ZSWIM6: variants seen among roughly 807,000 people sequenced by gnomAD.
The protein encoded by ZSWIM6 is zinc finger SWIM domain-containing protein 6.
A neutral mutation model predicts 113.2 loss-of-function variants in ZSWIM6; 9 were observed. The observed-to-expected ratio is 0.08, with a 90% confidence interval of 0.05 to 0.14. ZSWIM6 has a LOEUF of 0.14. Ranked by LOEUF, ZSWIM6 falls within the 10% of genes least tolerant of loss-of-function variation. The pLI, the probability that ZSWIM6 is intolerant of heterozygous loss-of-function variation, is 1.00. For synonymous variants in ZSWIM6, 611 were observed against 606.5 expected (o/e 1.01, Z -0.11); for missense variants, 1,162 against 1,552.2 (o/e 0.75, Z 4.22).
chr5:61,546,129 TCAA>T lies in ZSWIM6; in HGVS notation c.*1816_*1818del, dbSNP rs1749882337. 1 of 152,254 alleles carries T rather than the reference TCAA, an allele frequency of 6.6e-6. No individual in the cohort carries two copies. The highest frequency in any genetic ancestry group is 2.4e-5 in the African/African-American group (1 of 41,468). The allele number at this position is 152,254 out of a possible 1,614,324, so 9.4% of individuals were successfully genotyped here. On this transcript the variant is annotated 3_prime_UTR_variant, in exon 14 of 14. Transcript: ENST00000252744. ...CACTGTTTTATAAACTTGTTAATGA[TCAA>T]CAATTTTTGTTTTGATTAAAATTAG... is the stretch of plus-strand genomic sequence containing the variant.
intron 4 of ZSWIM6, among the ~76,000 whole-genome samples, chr5:61,506,566 T>G (rs1163426510): frequency 6.6e-6 from 1 of 151,688 alleles, no homozygotes; most frequent in Non-Finnish European, 1.5e-5. Context: ...AGAGTGAGAC[T>G]CTGTCTCCAA....
intron 1 of ZSWIM6, among the ~76,000 whole-genome samples, chr5:61,388,770 A>G (rs1431299520): frequency 6.6e-6 from 1 of 152,228 alleles, no homozygotes; most frequent in Non-Finnish European, 1.5e-5. Context: ...TTCTTGGATC[A>G]GAATTGTGGC....
intron 1 of ZSWIM6, among the ~76,000 whole-genome samples, chr5:61,344,226 G>T (rs1424614065): frequency 1.3e-5 from 2 of 152,070 alleles, no homozygotes; most frequent in African/African-American, 4.8e-5. Context: ...CATTTTTACA[G>T]TTCTTTTTCC....
At chr5:61,467,831 G>A (rs532540127) in intron 1 of ZSWIM6, among the ~76,000 whole-genome samples, 1 of 150,410 alleles carries the variant, frequency 6.6e-6, no homozygotes, top group South Asian at 2.1e-4. Flanking sequence ...TCAAATAGCA[G>A]TGATTCTTCT....
intron 1 of ZSWIM6, among the ~76,000 whole-genome samples, chr5:61,382,926 C>T (rs1183767483): frequency 6.6e-6 from 1 of 152,156 alleles, no homozygotes; most frequent in African/African-American, 2.4e-5. Context: ...AGAATGTCCG[C>T]AAAGTCAGAG....
intron 1 of ZSWIM6, among the ~76,000 whole-genome samples, chr5:61,420,291 T>C (rs1746329315): frequency 6.6e-6 from 1 of 152,260 alleles, no homozygotes; most frequent in Non-Finnish European, 1.5e-5. Context: ...TGATGGAGCA[T>C]GTGAAAGACC....
intron 1 of ZSWIM6, among the ~76,000 whole-genome samples, chr5:61,446,568 G>C (rs1003380225): frequency 1.4e-4 from 22 of 152,084 alleles, no homozygotes; most frequent in African/African-American, 5.3e-4. Flanking sequence ...ATAACCTTCT[G>C]TGCCAAACCC....
At chr5:61,409,137 TA>T (rs1746106490) in intron 1 of ZSWIM6, among the ~76,000 whole-genome samples, 1 of 149,730 alleles carries the variant, frequency 6.7e-6, no homozygotes, top group Admixed American at 6.7e-5. Context: ...TCACTTTAGG[TA>T]TTAAGTATAA....
chr5:61,505,694 CCCTT>C lies in ZSWIM6; in HGVS notation c.1333+11292_1333+11295del, dbSNP rs1475984760. ...TCCTTCTTTCCTTGCCTCCCTCCCT[CCCTT>C]CCTTCCTCCCTTCCTTCCTTCCTTC... On this transcript the variant is annotated intron_variant, in intron 4 of 13. Transcript: ENST00000252744. 2.5e-4 allele frequency among the ~76,000 whole-genome samples: 26 copies of C among 101,968 alleles called. 1 individual carries two copies. Among genetic ancestry groups the C allele is most frequent in the African/African-American group, 1.0e-3 (26 of 25,352 alleles). 66.9% of individuals were successfully genotyped at this position (101,968 alleles called of 152,430 possible).
chr5:61,436,834 A>C (rs1320234992), intron 1 of ZSWIM6, among the ~76,000 whole-genome samples: 2 of 152,120 alleles, frequency 1.3e-5, no homozygotes, highest in Non-Finnish European at 2.9e-5. Flanking sequence ...AAACAATGAA[A>C]CTGGTCTGTC....
intron 1 of ZSWIM6, among the ~76,000 whole-genome samples, chr5:61,415,592 C>CAA (rs34647896): frequency 4.9e-4 from 45 of 92,288 alleles, no homozygotes; most frequent in East Asian, 2.3e-3. Flanking sequence ...ACTCTGTCTC[C>CAA]AAAAAAAAAA....
At chr5:61,496,570 G>T (rs377650393) in intron 4 of ZSWIM6, among the ~76,000 whole-genome samples, 1 of 152,138 alleles carries the variant, frequency 6.6e-6, no homozygotes, top group East Asian at 1.9e-4. Context: ...TTGAGAAGAG[G>T]CTGAGTTTTG....
intron 1 of ZSWIM6, among the ~76,000 whole-genome samples, chr5:61,402,943 G>T (rs552414009): frequency 4.6e-5 from 7 of 152,240 alleles, no homozygotes; most frequent in African/African-American, 1.7e-4. Context: ...TTGCACACAT[G>T]AACAAATCAA....
chr5:61,527,534 G>C (rs562609763), intron 7 of ZSWIM6, among the ~76,000 whole-genome samples: 1 of 152,294 alleles, frequency 6.6e-6, no homozygotes, highest in East Asian at 1.9e-4. Context: ...GAATGTGAGA[G>C]CCCCGATTGT....
chr5:61,428,011 A>T (rs1245674999), intron 1 of ZSWIM6, among the ~76,000 whole-genome samples: 1 of 151,728 alleles, frequency 6.6e-6, no homozygotes, highest in Non-Finnish European at 1.5e-5. Flanking sequence ...GCTACTGGAG[A>T]TGGCTTTCTT....
Position 61,398,582 on chromosome 5 carries a change from C to T in ZSWIM6, c.676+65634C>T, listed in dbSNP as rs202143491. Among the ~76,000 whole-genome samples, 47 of 152,102 alleles carry T rather than the reference C, an allele frequency of 3.1e-4. No individual in the cohort carries two copies. In the East Asian group the frequency reaches 6.8e-3, roughly 22 times the overall value. ...GTTCCAGCACTTAGTAACTCTTGAC[C>T]CTGGGCAAGTAACTTAATCTCTTGG... On this transcript the variant is annotated intron_variant, in intron 1 of 13. Transcript: ENST00000252744.
chr5:61,384,418 G>A (rs1039104214), intron 1 of ZSWIM6, among the ~76,000 whole-genome samples: 5 of 152,168 alleles, frequency 3.3e-5, no homozygotes, highest in Non-Finnish European at 5.9e-5. Context: ...ATGCATGGTG[G>A]TGAAAAGTAT....
intron 1 of ZSWIM6, among the ~76,000 whole-genome samples, chr5:61,416,411 C>G (rs1746256202): frequency 6.6e-6 from 1 of 152,206 alleles, no homozygotes; most frequent in East Asian, 1.9e-4. Context: ...GCCACAGCCT[C>G]TGATATCATG....
chr5:61,382,303 T>G (rs1357593685), intron 1 of ZSWIM6, among the ~76,000 whole-genome samples: 1 of 152,244 alleles, frequency 6.6e-6, no homozygotes, highest in African/African-American at 2.4e-5. Flanking sequence ...AGGAATTGAG[T>G]AGTCTGCTGC....
Sources: allele counts gnomAD v4.1 joint callset (sites outside exome capture counted in the v4.1 genomes callset), GRCh38; gene constraint gnomAD v4.1.1; transcripts MANE v1.5; gene names NCBI Gene and HGNC (gene_info 2026-07-23, HGNC 2026-07-21).